Variants in ZNF136 observed in about 807,000 individuals in gnomAD.
ZNF136 encodes zinc finger protein 136 (clone pHZ-20).
A neutral mutation model predicts 11.4 loss-of-function variants in ZNF136; 8 were observed. That is an observed-to-expected ratio of 0.70 (90% confidence interval 0.41 to 1.27). The LOEUF (loss-of-function observed/expected upper bound fraction) is 1.27. Among genes scored for constraint, ZNF136 ranks in the 50% most tolerant of loss-of-function variants. The pLI is 0.01. For missense variants in ZNF136, 590 were observed against 656.5 expected, an observed-to-expected ratio of 0.90 and a Z score of 1.11; for synonymous variants, 190 against 207.1, an observed-to-expected ratio of 0.92 and a Z score of 0.71.
intron 1 of ZNF136, among the ~76,000 whole-genome samples, chr19:12,177,897 C>T (rs905620106): frequency 2.0e-5 from 3 of 152,090 alleles, no homozygotes; most frequent in Admixed American, 6.6e-5. Flanking sequence ...TGCCAGATCT[C>T]GGGAGTCTGA....
At chr19:12,175,766 A>C (rs1181106053) in intron 1 of ZNF136, among the ~76,000 whole-genome samples, 1 of 152,188 alleles carries the variant, frequency 6.6e-6, no homozygotes, top group Non-Finnish European at 1.5e-5. Flanking sequence ...AATACAGAGT[A>C]GTTTGATTGT....
chr19:12,182,766 G>A (rs1257275612), intron 1 of ZNF136, among the ~76,000 whole-genome samples: 1 of 152,142 alleles, frequency 6.6e-6, no homozygotes, highest in African/African-American at 2.4e-5. Context: ...TGGGGGCACA[G>A]TCCACTGTCT....
At chr19:12,185,581 A>G in intron 1 of ZNF136, 1 of 566,776 alleles carries the variant, frequency 1.8e-6, no homozygotes, top group Non-Finnish European at 2.9e-6. Flanking sequence ...ACCAAGAAAG[A>G]TGATCAGACA....
At position 12,163,106 on chromosome 19, in the gene ZNF136, G is replaced by C. The variant is rs573538968; in HGVS notation, c.-98G>C. 4.9e-5 allele frequency: 64 copies of C among 1,313,106 alleles called. 2 individuals carry two copies. The South Asian group carries it at 1.3e-3, about 28-fold the overall frequency. The allele number at this position is 1,313,106 out of a possible 1,614,324, so 81.3% of individuals were successfully genotyped here. A position where few individuals can be genotyped will look rare whatever the true frequency, so the allele number is the denominator to read the frequency against. On this transcript the variant is annotated 5_prime_UTR_variant, in exon 1 of 4. Coordinates refer to ENST00000343979, the MANE Select transcript of ZNF136 (RefSeq NM_003437.5). ...ACTTGGTTTCGCTTCGCTAGTCCCA[G>C]AGGCCCAGAGTGGCTCGCCTGGAGT...
At chr19:12,170,137 C>T (rs898926587) in intron 1 of ZNF136, among the ~76,000 whole-genome samples, 1 of 148,730 alleles carries the variant, frequency 6.7e-6, no homozygotes, top group Non-Finnish European at 1.5e-5. Context: ...GCTGTGTTAG[C>T]CAGGGTGGTC....
At chr19:12,172,816 A>G (rs1376057988) in intron 1 of ZNF136, among the ~76,000 whole-genome samples, 1 of 152,150 alleles carries the variant, frequency 6.6e-6, no homozygotes, top group African/African-American at 2.4e-5. Flanking sequence ...GATCGAGACC[A>G]TCCTGGCCAA....
In ZNF136 at chr19:12,187,791, T is replaced by C. The variant is rs761146633; in HGVS notation, c.1413T>C (p.Thr471=). The part of the protein sequence containing the change: ...NSFRTHEMIH[T]GEKPFECKRC... The stretch of plus-strand genomic sequence containing the variant: ...TTCGAACACATGAAATGATTCACAC[T>C]GGTGAGAAACCCTTTGAATGTAAGC... Residue 471 remains threonine, a synonymous_variant, in exon 4 of 4, where the codon ACT becomes ACC. Transcript: ENST00000343979. 10 of 1,610,450 alleles carry C rather than the reference T, an allele frequency of 6.2e-6. No individual in the cohort carries two copies. In the South Asian group the frequency reaches 7.7e-5, roughly 12 times the overall value.
chr19:12,179,565 C>G (rs1914889453), intron 1 of ZNF136, among the ~76,000 whole-genome samples: 1 of 151,934 alleles, frequency 6.6e-6, no homozygotes, highest in Admixed American at 6.6e-5. Flanking sequence ...CCAGCCTCGG[C>G]CTCCCAAAGT....
intron 1 of ZNF136, among the ~76,000 whole-genome samples, chr19:12,163,530 A>G (rs1431138512): frequency 6.6e-6 from 1 of 152,204 alleles, no homozygotes; most frequent in East Asian, 1.9e-4. Flanking sequence ...GCTGTGGTGT[A>G]TGAGGTTCCC....
intron 1 of ZNF136, among the ~76,000 whole-genome samples, chr19:12,180,309 T>A (rs1914908887): frequency 6.6e-6 from 1 of 152,226 alleles, no homozygotes; most frequent in Non-Finnish European, 1.5e-5. Flanking sequence ...TAATATGCTC[T>A]TGATGCTAAT....
In ZNF136 at chr19:12,188,166, C is replaced by A; in HGVS notation, c.*165C>A. On this transcript the variant is annotated 3_prime_UTR_variant, in exon 4 of 4. Coordinates refer to ENST00000343979, the MANE Select transcript of ZNF136 (RefSeq NM_003437.5). ...TAAGTAACATGGGAAAGCTTTCAAT[C>A]ATTTTAGTTCCTTTCAAATACATGA... The A allele has an allele frequency of 2.0e-6, 1 of 500,282 alleles. No homozygotes were observed. Among genetic ancestry groups the A allele is most frequent in the Non-Finnish European group, 3.3e-6 (1 of 305,542 alleles). The allele number at this position is 500,282 out of a possible 1,614,324, so 31.0% of individuals were successfully genotyped here.
intron 1 of ZNF136, chr19:12,185,092 T>A (rs1037858682): frequency 1.3e-5 from 2 of 152,352 alleles, no homozygotes; most frequent in Middle Eastern, 3.4e-3. Flanking sequence ...GTCAGCAACA[T>A]ATGGTCTCTT....
At chr19:12,173,032 C>T (rs976318273) in intron 1 of ZNF136, among the ~76,000 whole-genome samples, 17 of 151,910 alleles carry the variant, frequency 1.1e-4, no homozygotes, top group African/African-American at 3.9e-4. Flanking sequence ...AAAAAATTCC[C>T]GGAGAGAGGA....
At chr19:12,179,975 C>T (rs1052408912) in intron 1 of ZNF136, among the ~76,000 whole-genome samples, 3 of 152,082 alleles carry the variant, frequency 2.0e-5, no homozygotes, top group South Asian at 2.1e-4. Flanking sequence ...ACACCATTCT[C>T]CTGCCTCAGC....
intron 1 of ZNF136, among the ~76,000 whole-genome samples, chr19:12,167,049 A>C (rs1599450969): frequency 6.6e-6 from 1 of 152,346 alleles, no homozygotes; most frequent in African/African-American, 2.4e-5. Flanking sequence ...ATGAGGAGGA[A>C]GAAGGCAGGA....
intron 1 of ZNF136, among the ~76,000 whole-genome samples, chr19:12,166,222 C>T (rs578003155): frequency 1.5e-4 from 23 of 149,522 alleles, no homozygotes; most frequent in African/African-American, 4.5e-4. Flanking sequence ...AGCAAGACTC[C>T]GTCTCAAAAA....
At chr19:12,181,007 C>T (rs1043528701) in intron 1 of ZNF136, among the ~76,000 whole-genome samples, 4 of 152,204 alleles carry the variant, frequency 2.6e-5, no homozygotes, top group East Asian at 3.9e-4. Context: ...TCCAATCAGG[C>T]GCGCCTCAGA....
chr19:12,176,704 C>G (rs1324290155), intron 1 of ZNF136, among the ~76,000 whole-genome samples: 1 of 152,102 alleles, frequency 6.6e-6, no homozygotes, highest in African/African-American at 2.4e-5. Flanking sequence ...AACAAATAAC[C>G]CTATCTGCCT....
At chr19:12,172,510 A>G (rs1336866233) in intron 1 of ZNF136, among the ~76,000 whole-genome samples, 1 of 151,932 alleles carries the variant, frequency 6.6e-6, no homozygotes, top group Non-Finnish European at 1.5e-5. Context: ...TTGTCTGACC[A>G]TTGTCAGTTT....
Sources: gnomAD v4.1 joint callset for allele counts (sites outside exome capture counted in the v4.1 genomes callset) on GRCh38, gnomAD v4.1.1 for gene constraint, MANE v1.5 for transcripts, NCBI Gene and HGNC (gene_info 2026-07-23, HGNC 2026-07-21) for gene names.